Variants in UBE2E2 observed in about 807,000 individuals in gnomAD.
UBE2E2 encodes ubiquitin-conjugating enzyme E2 E2.
In UBE2E2, 6 loss-of-function variants were observed where a neutral mutation model predicts 24.7. The observed-to-expected ratio is 0.24, with a 90% CI of 0.13 to 0.48. UBE2E2 has a LOEUF of 0.48. UBE2E2 is among the 20% of genes least tolerant of loss of function. UBE2E2 has a pLI of 0.99. For synonymous variants in UBE2E2, 104 were observed against 83.6 expected, an observed-to-expected ratio of 1.24 and a Z score of -1.33; for missense variants, 169 against 245.0, an observed-to-expected ratio of 0.69 and a Z score of 2.07.
rs1204159052 is a variant in UBE2E2 at position 23,591,704 on chromosome 3, C to T, written c.*1873C>T. Reference sequence around the variant, plus strand: ...GTAGTTTGCCAATCCCTGACACAGACCAACATAGACTGGGGGCTGGATGAA... The same window carrying T: ...GTAGTTTGCCAATCCCTGACACAGATCAACATAGACTGGGGGCTGGATGAA... On this transcript the variant is annotated 3_prime_UTR_variant, in exon 6 of 6. Coordinates refer to ENST00000396703, the MANE Select transcript of UBE2E2 (RefSeq NM_152653.4). 1 of 152,154 alleles carries T rather than the reference C, an allele frequency of 6.6e-6. No individual in the cohort carries two copies. The highest frequency in any genetic ancestry group is 2.4e-5 in the African/African-American group (1 of 41,426). 9.4% of individuals were successfully genotyped at this position (152,154 alleles called of 1,614,324 possible).
At chr3:23,295,304 T>A (rs1208377714) in intron 3 of UBE2E2, among the ~76,000 whole-genome samples, 2 of 152,194 alleles carry the variant, frequency 1.3e-5, no homozygotes, top group Non-Finnish European at 2.9e-5. Flanking sequence ...TTTTTTATTT[T>A]TGTTTTTGGC....
At chr3:23,208,907 G>A (rs758408265) in intron 2 of UBE2E2, 32 bp downstream of exon 2, 1 of 1,545,282 alleles carries the variant, frequency 6.5e-7, no homozygotes, top group South Asian at 1.2e-5. Flanking sequence ...TTTTATTGTT[G>A]GTATCAATTT....
chr3:23,440,880 G>C (rs1020605313), intron 3 of UBE2E2, among the ~76,000 whole-genome samples: 1 of 152,018 alleles, frequency 6.6e-6, no homozygotes, highest in Non-Finnish European at 1.5e-5. Flanking sequence ...TTCTTGTTAC[G>C]GCAATGTAGC....
chr3:23,234,278 C>T (rs1476641229), intron 3 of UBE2E2, among the ~76,000 whole-genome samples: 1 of 151,758 alleles, frequency 6.6e-6, no homozygotes, highest in Non-Finnish European at 1.5e-5. Context: ...TGGGACATGA[C>T]CAAACTGAGT....
At chr3:23,572,300 C>G (rs897164510) in intron 5 of UBE2E2, among the ~76,000 whole-genome samples, 1 of 152,246 alleles carries the variant, frequency 6.6e-6, no homozygotes, top group East Asian at 1.9e-4. Context: ...TACAAAAACC[C>G]AACTTTGTCC....
chr3:23,444,466 G>A (rs1194921267), intron 3 of UBE2E2, among the ~76,000 whole-genome samples: 1 of 152,110 alleles, frequency 6.6e-6, no homozygotes, highest in Non-Finnish European at 1.5e-5. Context: ...AACCCCATCT[G>A]GAAGTCAGAA....
chr3:23,220,806 A>G (rs1696613286), intron 3 of UBE2E2, among the ~76,000 whole-genome samples: 2 of 152,220 alleles, frequency 1.3e-5, no homozygotes, highest in African/African-American at 2.4e-5. Flanking sequence ...TGCCCCTTAT[A>G]AATGACTACA....
At chr3:23,230,792 GAAAA>G (rs750142399) in intron 3 of UBE2E2, among the ~76,000 whole-genome samples, 1 of 68,604 alleles carries the variant, frequency 1.5e-5, no homozygotes, top group African/African-American at 5.0e-5. Context: ...TTCTCAAAAA[GAAAA>G]AAAAAAAAAA....
At chr3:23,230,510 C>T (rs1174463109) in intron 3 of UBE2E2, among the ~76,000 whole-genome samples, 1 of 152,112 alleles carries the variant, frequency 6.6e-6, no homozygotes, top group African/African-American at 2.4e-5. Context: ...GTTGGCTGGG[C>T]GCAGGGGCTC....
intron 3 of UBE2E2, among the ~76,000 whole-genome samples, chr3:23,249,653 A>AT (rs201067293): frequency 0.37 from 55,554 of 148,474 alleles, 10,373 homozygotes; most frequent in East Asian, 0.49. Context: ...ATTAACTCAG[A>AT]TTTTTTTTTT....
intron 3 of UBE2E2, among the ~76,000 whole-genome samples, chr3:23,299,866 C>G (rs993454403): frequency 6.6e-6 from 1 of 152,054 alleles, no homozygotes; most frequent in Non-Finnish European, 1.5e-5. Flanking sequence ...GTTGATCTGT[C>G]TAATGTTGAC....
chr3:23,520,617 T>C (rs749901011), intron 4 of UBE2E2, among the ~76,000 whole-genome samples: 14 of 152,234 alleles, frequency 9.2e-5, no homozygotes, highest in Non-Finnish European at 1.3e-4. Context: ...AATTTACTTA[T>C]CATTAACAGA....
intron 2 of UBE2E2, among the ~76,000 whole-genome samples, chr3:23,210,313 G>A (rs1237486716): frequency 6.6e-6 from 1 of 152,160 alleles, no homozygotes; most frequent in Non-Finnish European, 1.5e-5. Context: ...TGGTTGGCCA[G>A]GTCTGTGGGG....
At chr3:23,384,109 C>T (rs1029955342) in intron 3 of UBE2E2, among the ~76,000 whole-genome samples, 3 of 152,128 alleles carry the variant, frequency 2.0e-5, no homozygotes, top group Admixed American at 1.3e-4. Context: ...AATCCTTCCA[C>T]CTTAGCCACC....
At chr3:23,463,576 G>C (rs1178327507) in intron 3 of UBE2E2, among the ~76,000 whole-genome samples, 1 of 152,094 alleles carries the variant, frequency 6.6e-6, no homozygotes, top group Non-Finnish European at 1.5e-5. Flanking sequence ...TGGGTTCCCA[G>C]ATGCTGGAAA....
At chr3:23,338,207 T>G (rs908850897) in intron 3 of UBE2E2, among the ~76,000 whole-genome samples, 1 of 152,208 alleles carries the variant, frequency 6.6e-6, no homozygotes, top group African/African-American at 2.4e-5. Flanking sequence ...GCAGTCTAAC[T>G]GGCTCATTAA....
At chr3:23,359,373 A>T (rs75375787) in intron 3 of UBE2E2, among the ~76,000 whole-genome samples, 3 of 152,172 alleles carry the variant, frequency 2.0e-5, no homozygotes, top group South Asian at 2.1e-4. Flanking sequence ...GGACTGGAGA[A>T]ATCACCTAGA....
At chr3:23,351,897 C>T (rs1695766274) in intron 3 of UBE2E2, among the ~76,000 whole-genome samples, 2 of 152,196 alleles carry the variant, frequency 1.3e-5, no homozygotes, top group South Asian at 2.1e-4. Context: ...TAGACATCTA[C>T]AGAGCTCTCC....
At chr3:23,319,344 T>C (rs1235413562) in intron 3 of UBE2E2, among the ~76,000 whole-genome samples, 1 of 152,210 alleles carries the variant, frequency 6.6e-6, no homozygotes, top group African/African-American at 2.4e-5. Flanking sequence ...AGAACAGTTA[T>C]AGGTGAACAA....
Sources: gnomAD v4.1 joint callset for allele counts (sites outside exome capture counted in the v4.1 genomes callset) on GRCh38, gnomAD v4.1.1 for gene constraint, MANE v1.5 for transcripts, NCBI Gene and HGNC (gene_info 2026-07-23, HGNC 2026-07-21) for gene names.